CD2AP: variants seen among roughly 807,000 people sequenced by gnomAD.
The protein encoded by CD2AP is CD2-associated protein.
In CD2AP, 46 loss-of-function variants were observed where a neutral mutation model predicts 85.1. The observed-to-expected ratio is 0.54, with a 90% CI of 0.43 to 0.69. CD2AP has a LOEUF of 0.69. Among genes scored for constraint, CD2AP ranks in the 30% least tolerant of loss-of-function variants. CD2AP has a pLI of 0.00. For synonymous variants in CD2AP, 255 were observed against 252.9 expected (o/e 1.01, Z -0.08); for missense variants, 769 against 729.5 (o/e 1.05, Z -0.62).
At chr6:47,605,758 A>G (rs560175801) in intron 13 of CD2AP, among the ~76,000 whole-genome samples, 1 of 152,076 alleles carries the variant, frequency 6.6e-6, no homozygotes, top group Admixed American at 6.6e-5. Flanking sequence ...TTCAAAACAA[A>G]TTTTACATGC....
chr6:47,593,272 A>G (rs1176374562), intron 11 of CD2AP, among the ~76,000 whole-genome samples: 2 of 152,174 alleles, frequency 1.3e-5, no homozygotes, highest in East Asian at 3.9e-4. Context: ...AAAAACTTAT[A>G]TGCATTAAAG....
At chr6:47,606,067 C>G in intron 13 of CD2AP, 98 bp from the exon 14 acceptor site, 1 of 700,886 alleles carries the variant, frequency 1.4e-6, no homozygotes, top group Non-Finnish European at 2.5e-6. Flanking sequence ...TAGTGGTACT[C>G]TTTTTAATTT....
At chr6:47,556,395 T>C (rs561711160) in intron 5 of CD2AP, among the ~76,000 whole-genome samples, 56 of 152,186 alleles carry the variant, frequency 3.7e-4, no homozygotes, top group African/African-American at 1.3e-3. Flanking sequence ...CATTCTTTTT[T>C]TTTTTAATTT....
intron 3 of CD2AP, among the ~76,000 whole-genome samples, chr6:47,538,457 G>T (rs1316368462): frequency 6.6e-6 from 1 of 152,046 alleles, no homozygotes; most frequent in African/African-American, 2.4e-5. Context: ...TGTTGGTCAG[G>T]CTGGTCTCGA....
intron 2 of CD2AP, among the ~76,000 whole-genome samples, chr6:47,508,702 G>A (rs1482681048): frequency 1.3e-5 from 2 of 151,914 alleles, no homozygotes; most frequent in African/African-American, 2.4e-5. Flanking sequence ...GTGCCACCAC[G>A]CCCAGCTAAT....
intron 17 of CD2AP, among the ~76,000 whole-genome samples, chr6:47,614,924 A>G (rs1421986465): frequency 2.0e-5 from 3 of 152,268 alleles, no homozygotes; most frequent in African/African-American, 7.2e-5. Context: ...GTGATTGGCA[A>G]TTTCGACTAT....
intron 4 of CD2AP, among the ~76,000 whole-genome samples, chr6:47,547,157 A>G (rs1767384989): frequency 6.6e-6 from 1 of 152,168 alleles, no homozygotes; most frequent in South Asian, 2.1e-4. Context: ...TCAGGTATAT[A>G]GGCAACAAAT....
At chr6:47,541,038 G>T (rs1767199954) in intron 3 of CD2AP, among the ~76,000 whole-genome samples, 1 of 152,208 alleles carries the variant, frequency 6.6e-6, no homozygotes, top group East Asian at 1.9e-4. Flanking sequence ...AATTTACCGT[G>T]AGGTCTGGTG....
intron 5 of CD2AP, among the ~76,000 whole-genome samples, chr6:47,570,719 TA>T (rs1768125928): frequency 6.6e-6 from 1 of 152,152 alleles, no homozygotes; most frequent in Non-Finnish European, 1.5e-5. Context: ...TTACTTCTCA[TA>T]GCAATCCTGT....
chr6:47,578,608 A>G (rs1220444769), intron 8 of CD2AP, among the ~76,000 whole-genome samples: 1 of 151,902 alleles, frequency 6.6e-6, no homozygotes. Flanking sequence ...TTAGAAATTC[A>G]TATTCTCCCT....
chr6:47,526,781 A>T (rs1362897558), intron 2 of CD2AP, among the ~76,000 whole-genome samples: 5 of 152,334 alleles, frequency 3.3e-5, no homozygotes, highest in Admixed American at 3.3e-4. Flanking sequence ...AAGCAACAGT[A>T]GCTCTCAGAA....
At chr6:47,504,459 T>G (rs948197363) in intron 2 of CD2AP, among the ~76,000 whole-genome samples, 8 of 152,226 alleles carry the variant, frequency 5.3e-5, no homozygotes, top group Non-Finnish European at 8.8e-5. Flanking sequence ...GATACCAAAA[T>G]ATGCAGATGC....
intron 8 of CD2AP, among the ~76,000 whole-genome samples, chr6:47,578,375 T>G (rs961964324): frequency 6.6e-6 from 1 of 151,678 alleles, no homozygotes; most frequent in African/African-American, 2.4e-5. Flanking sequence ...GATTAATTCT[T>G]TTTTCAAAAT....
At chr6:47,604,732 C>T (rs1001059589) in intron 13 of CD2AP, among the ~76,000 whole-genome samples, 1 of 151,894 alleles carries the variant, frequency 6.6e-6, no homozygotes, top group Non-Finnish European at 1.5e-5. Flanking sequence ...ATTCAACCGC[C>T]TTCAGATTAT....
At chr6:47,582,804 T>G (rs368861804) in intron 11 of CD2AP, among the ~76,000 whole-genome samples, 1 of 141,720 alleles carries the variant, frequency 7.1e-6, no homozygotes, top group Non-Finnish European at 1.6e-5. Context: ...TGTTTTTTTT[T>G]TTTTGTCTCG....
chr6:47,570,153 T>C (rs200729230), intron 5 of CD2AP, among the ~76,000 whole-genome samples: 1 of 149,716 alleles, frequency 6.7e-6, no homozygotes. Context: ...TTTTTTTTTT[T>C]AAGCTTTCAG....
Position 47,574,253 on chromosome 6 carries a change from TG to T in CD2AP, c.729+4del. ...ACAGAAGAGAAAAAACCAGAAAAGG[TG>T]GTAATGATGGACTTGTTAGATTAAC... On this transcript the variant is annotated splice_donor_region_variant and intron_variant, in intron 6 of 17. Transcript: ENST00000359314. 6.2e-7 allele frequency: 1 copy of T among 1,612,616 alleles called. No homozygotes were observed. The highest frequency in any genetic ancestry group is 8.5e-7 in the Non-Finnish European group (1 of 1,178,770).
At position 47,606,216 on chromosome 6, in the gene CD2AP, C is replaced by T. The variant is rs750692695; in HGVS notation, c.1469C>T (p.Thr490Ile). Reference sequence around the variant, plus strand: ...TCCTCAGAAAACTTGCTTCATCTCACTGCAAATAGACCAAAGATGCCTGGA... The same window carrying T: ...TCCTCAGAAAACTTGCTTCATCTCATTGCAAATAGACCAAAGATGCCTGGA... ...IASSENLLHL[T>I]ANRPKMPGRR... Residue 490 changes from threonine to isoleucine, a missense_variant, in exon 14 of 18, where the codon ACT becomes ATT. Coordinates refer to ENST00000359314, the MANE Select transcript of CD2AP (RefSeq NM_012120.3). 6.2e-7 allele frequency: 1 copy of T among 1,611,960 alleles called. No homozygotes were observed. The highest frequency in any genetic ancestry group is 8.5e-7 in the Non-Finnish European group (1 of 1,178,290).
At chr6:47,495,605 C>G (rs750572665) in intron 1 of CD2AP, among the ~76,000 whole-genome samples, 4 of 152,162 alleles carry the variant, frequency 2.6e-5, no homozygotes, top group African/African-American at 9.7e-5. Flanking sequence ...GTCCGTGACT[C>G]TCTGGCTTTA....
Sources: gnomAD v4.1 joint callset for allele counts (sites outside exome capture counted in the v4.1 genomes callset) on GRCh38, gnomAD v4.1.1 for gene constraint, MANE v1.5 for transcripts, NCBI Gene and HGNC (gene_info 2026-07-23, HGNC 2026-07-21) for gene names.